The following ADGRB1 variants were observed in gnomAD, a reference collection of about 807,000 sequenced individuals.
ADGRB1 encodes adhesion G protein-coupled receptor B1.
A neutral mutation model predicts 175.7 loss-of-function variants in ADGRB1; 36 were observed. The ratio of observed to expected loss-of-function variants is 0.20; its 90% CI spans 0.16 to 0.27. The LOEUF (loss-of-function observed/expected upper bound fraction) is 0.27, where lower values mean the gene tolerates loss of function less well. Ranked by LOEUF, ADGRB1 falls within the 10% of genes least tolerant of loss-of-function variation. ADGRB1 has a pLI of 1.00. For synonymous variants in ADGRB1, 1,054 were observed against 979.4 expected (o/e 1.08, Z -1.42); for missense variants, 1,731 against 2,255.3 (o/e 0.77, Z 4.71).
At chr8:142,526,145 G>A (rs1399894702) in intron 23 of ADGRB1, among the ~76,000 whole-genome samples, 1 of 152,156 alleles carries the variant, frequency 6.6e-6, no homozygotes, top group Non-Finnish European at 1.5e-5. Flanking sequence ...GAAGTCTAGA[G>A]AGAGGAGGTG....
rs1475754991 is a variant in ADGRB1, at chr8:142,534,731, C to T, written c.3570+1265C>T. On this transcript the variant is annotated intron_variant, in intron 25 of 30. Coordinates refer to ENST00000517894, the MANE Select transcript of ADGRB1 (RefSeq NM_001702.3). ...CCCAACCAGACAAGCAGGAAAACAGCGTGGGGACAGAGGCAGCCCAGGAAG... is the reference window on the plus strand; with the variant it reads ...CCCAACCAGACAAGCAGGAAAACAGTGTGGGGACAGAGGCAGCCCAGGAAG... Among the ~76,000 whole-genome samples, 5 of 152,330 alleles carry T rather than the reference C, an allele frequency of 3.3e-5. No individual in the cohort carries two copies. In the East Asian group the frequency reaches 5.8e-4, roughly 18 times the overall value.
At chr8:142,509,088 C>T (rs1023053360) in intron 17 of ADGRB1, among the ~76,000 whole-genome samples, 3 of 152,250 alleles carry the variant, frequency 2.0e-5, no homozygotes, top group East Asian at 1.9e-4. Flanking sequence ...GGGTCTCCCC[C>T]GCCAGCCAGC....
chr8:142,480,480 C>T (rs1343183515), intron 9 of ADGRB1, among the ~76,000 whole-genome samples: 1 of 152,052 alleles, frequency 6.6e-6, no homozygotes, highest in East Asian at 1.9e-4. Context: ...CTGCTCCTCC[C>T]TCGCTCTTCT....
At chr8:142,453,108 C>T (rs1363907432) in intron 1 of ADGRB1, among the ~76,000 whole-genome samples, 1 of 145,830 alleles carries the variant, frequency 6.9e-6, no homozygotes, top group Admixed American at 6.7e-5. Flanking sequence ...GCGTCTCGGC[C>T]GGAGCCCCCC....
At position 142,543,814 on chromosome 8, in the gene ADGRB1, CCATT is replaced by C. The variant is rs1292837119; in HGVS notation, c.4557+108_4557+111del. 8.0e-6 allele frequency: 9 copies of C among 1,119,652 alleles called. No individual in the cohort carries two copies. Among genetic ancestry groups the C allele is most frequent in the Non-Finnish European group, 1.0e-5 (8 of 764,564 alleles). 69.4% of individuals were successfully genotyped at this position (1,119,652 alleles called of 1,614,324 possible). ...TTCATCCATCCATCCATCCATCCAT[CCATT>C]CGTTCATTCATTCATTCATTCGCCC... On this transcript the variant is annotated intron_variant, in intron 30 of 30. Transcript: ENST00000517894. The surrounding 1 kb of genome is among the most constrained non-coding windows in gnomAD (Gnocchi z 4.4).
chr8:142,459,248 G>A (rs528275947), intron 1 of ADGRB1, among the ~76,000 whole-genome samples: 2 of 152,224 alleles, frequency 1.3e-5, no homozygotes, highest in Non-Finnish European at 2.9e-5. Context: ...GGAGAAGCAC[G>A]GAGCATGGAT....
intron 23 of ADGRB1, 64 bp downstream of exon 23, chr8:142,524,368 CCTCG>C: frequency 6.8e-7 from 1 of 1,480,688 alleles, no homozygotes; most frequent in Non-Finnish European, 9.1e-7. Flanking sequence ...GCCTCCTGGG[CCTCG>C]GTGCTGTCTC....
At chr8:142,461,706 G>T (rs960152514) in intron 1 of ADGRB1, among the ~76,000 whole-genome samples, 12 of 152,316 alleles carry the variant, frequency 7.9e-5, no homozygotes, top group Middle Eastern at 3.4e-3. Context: ...GGCATCTTGA[G>T]CTGTGCGGGT....
intron 2 of ADGRB1, among the ~76,000 whole-genome samples, chr8:142,465,275 G>C (rs1043854215): frequency 3.9e-5 from 6 of 152,222 alleles, no homozygotes; most frequent in African/African-American, 1.4e-4. Flanking sequence ...CCGGGCACAC[G>C]GCGGGTGCTG....
At position 142,477,268 on chromosome 8, in the gene ADGRB1, C is replaced by T. The variant is rs779472136; in HGVS notation, c.1212C>T (p.Ala404=). The change falls in exon 5 of 31, where the codon GCC becomes GCT. Residue 404 remains alanine (A), a synonymous_variant. Transcript: ENST00000517894. The part of the protein sequence containing the change: ...LREQRLCNNS[A]VCPVHGAWDE... ...AGCAGCGGCTGTGCAACAACTCTGC[C>T]GTGTGCCCAGGTGGGTGGGACCTTG... 188 of 1,567,082 alleles carry T rather than the reference C, an allele frequency of 1.2e-4. No homozygotes were observed. Among genetic ancestry groups the T allele is most frequent in the Non-Finnish European group, 1.5e-4 (170 of 1,157,174 alleles).
chr8:142,523,553 C>T (rs1025291681), intron 22 of ADGRB1, among the ~76,000 whole-genome samples: 2 of 151,738 alleles, frequency 1.3e-5, no homozygotes, highest in African/African-American at 4.9e-5. Flanking sequence ...AACACTGTCC[C>T]CAGAGATGAG....
intron 27 of ADGRB1, 136 bp from the exon 28 acceptor site, chr8:142,541,805 C>A: frequency 1.1e-6 from 1 of 941,742 alleles, no homozygotes; most frequent in East Asian, 2.6e-5. Context: ...CGATCGGTAC[C>A]CAGCAGGACC....
rs1323113065 is a variant in ADGRB1 at position 142,544,276 on chromosome 8, C to T, written c.4614C>T (p.His1538=). The T allele has an allele frequency of 8.4e-6, 13 of 1,549,322 alleles. No individual in the cohort carries two copies. Among genetic ancestry groups the T allele is most frequent in the South Asian group, 3.6e-5 (3 of 84,028 alleles). ...KRPWESLRKA[H]GTPTWVKKEL... ...CCTGGGAGAGCCTCCGGAAAGCCCA[C>T]GGGACGCCCACGTGGGTGAAGAAGG... Residue 1538 remains histidine (H), a synonymous_variant, in exon 31 of 31, where the codon CAC becomes CAT. Coordinates refer to ENST00000517894, the MANE Select transcript of ADGRB1 (RefSeq NM_001702.3).
In ADGRB1 at chr8:142,525,632, A is replaced by G. The variant is rs116849254; in HGVS notation, c.3313-910A>G. On this transcript the variant is annotated intron_variant, in intron 23 of 30. Coordinates refer to ENST00000517894, the MANE Select transcript of ADGRB1 (RefSeq NM_001702.3). ...TCTGGGAACTCTGCATCCATTGTGG[A>G]AAGCAGGCCGGCTGTGTGGTCATGA... Among the ~76,000 whole-genome samples, 12 of 152,290 alleles carry G rather than the reference A, an allele frequency of 7.9e-5. 1 individual carries two copies. In the East Asian group the frequency reaches 2.3e-3, roughly 29 times the overall value.
At chr8:142,494,623 A>C (rs1842128488) in intron 17 of ADGRB1, among the ~76,000 whole-genome samples, 1 of 151,398 alleles carries the variant, frequency 6.6e-6, no homozygotes. Context: ...TGGGCTCAAC[A>C]CTCAAGCCCA....
chr8:142,453,174 G>C (rs542275733), intron 1 of ADGRB1, among the ~76,000 whole-genome samples: 27 of 152,244 alleles, frequency 1.8e-4, no homozygotes, highest in Admixed American at 1.5e-3. Context: ...GCGCGTTTGC[G>C]TGCTGGTGTC....
At chr8:142,478,467 G>C in intron 7 of ADGRB1, 107 bp downstream of exon 7, 1 of 1,292,262 alleles carries the variant, frequency 7.7e-7, no homozygotes, top group Non-Finnish European at 1.0e-6. Flanking sequence ...CCCGGCATGT[G>C]ACTGAGGAGG....
At position 142,510,846 on chromosome 8, in the gene ADGRB1, A is replaced by T. The variant is rs1843061266; in HGVS notation, c.2676-86A>T. On this transcript the variant is annotated intron_variant, in intron 17 of 30. Coordinates refer to ENST00000517894, the MANE Select transcript of ADGRB1 (RefSeq NM_001702.3). The surrounding 1 kb of genome is among the most constrained non-coding windows in gnomAD (Gnocchi z 6.3). The stretch of plus-strand genomic sequence containing the variant: ...GGCCGGGGCCGGGGCCGGGGCGCGG[A>T]GCCGCCGCTCGGGGGCCGGGGCGCC... The T allele has an allele frequency of 1.5e-5, 10 of 689,166 alleles. No individual in the cohort carries two copies. Among genetic ancestry groups the T allele is most frequent in the Non-Finnish European group, 3.5e-6 (2 of 563,438 alleles). 42.7% of individuals were successfully genotyped at this position (689,166 alleles called of 1,614,324 possible).
intron 24 of ADGRB1, among the ~76,000 whole-genome samples, chr8:142,530,562 G>A (rs1454643448): frequency 6.6e-6 from 1 of 152,200 alleles, no homozygotes; most frequent in Non-Finnish European, 1.5e-5. Context: ...TCTGGGCCCT[G>A]GCACTGTGCA....
Sources: gnomAD v4.1 joint callset for allele counts (sites outside exome capture counted in the v4.1 genomes callset) on GRCh38, gnomAD v4.1.1 for gene constraint, Gnocchi (gnomAD v3.1) non-coding constraint, MANE v1.5 for transcripts, NCBI Gene and HGNC (gene_info 2026-07-23, HGNC 2026-07-21) for gene names.